SCN10A: variants seen among roughly 807,000 people sequenced by gnomAD.
SCN10A encodes sodium voltage-gated channel alpha subunit 10.
In SCN10A, 162 loss-of-function variants were observed where a neutral mutation model predicts 170.7. The ratio of observed to expected loss-of-function variants is 0.95; its 90% CI spans 0.84 to 1.08. The LOEUF is 1.08. Ranked by LOEUF, SCN10A falls within the 50% of genes least tolerant of loss-of-function variation. The pLI, the probability that SCN10A is intolerant of heterozygous loss-of-function variation, is 0.00. For missense variants in SCN10A, 2,527 were observed against 2,436.9 expected (o/e 1.04, Z -0.78); for synonymous variants, 985 against 904.6 (o/e 1.09, Z -1.59).
intron 26 of SCN10A, among the ~76,000 whole-genome samples, chr3:38,702,954 C>T (rs138953921): frequency 1.1e-4 from 16 of 152,306 alleles, no homozygotes; most frequent in South Asian, 8.3e-4. Flanking sequence ...CCATTCCCCA[C>T]GCTTTGACCT....
intron 1 of SCN10A, among the ~76,000 whole-genome samples, chr3:38,795,335 CTTTTTCTTTTTCTTTTTT>C (rs951600143): frequency 7.1e-6 from 1 of 141,520 alleles, no homozygotes; most frequent in Non-Finnish European, 1.5e-5. Flanking sequence ...TTGTTTTTTT[CTTTTTCTTTTTCTTTTTT>C]TTTTTTTGAG....
At position 38,719,452 on chromosome 3, in the gene SCN10A, A is replaced by AGTG. The variant is rs1559420570; in HGVS notation, c.3508-627_3508-626insCAC. Among the ~76,000 whole-genome samples the AGTG allele has an allele frequency of 5.0e-5, 7 of 139,324 alleles. No homozygotes were observed. The East Asian group carries it at 8.7e-4, about 17-fold the overall frequency. The allele number at this position is 139,324 out of a possible 152,430, so 91.4% of individuals were successfully genotyped here. ...TCTGTCGCCCAGGCTGGAGTGCAGT[A>AGTG]GCGGGATCTCGGCTCACTGCAAGCT... On this transcript the variant is annotated intron_variant, in intron 20 of 27. Transcript: ENST00000449082.
chr3:38,717,093 T>C (rs961449780), intron 21 of SCN10A, among the ~76,000 whole-genome samples: 2 of 151,930 alleles, frequency 1.3e-5, no homozygotes, highest in East Asian at 1.9e-4. Flanking sequence ...AATCAAAAGA[T>C]AGAAAGATAT....
chr3:38,736,976 T>TTTTTG (rs2063570531), intron 15 of SCN10A, among the ~76,000 whole-genome samples: 2 of 106,216 alleles, frequency 1.9e-5, no homozygotes, highest in African/African-American at 3.7e-5. Context: ...TTTTTTTTTT[T>TTTTTG]TTTTTTTTTT....
chr3:38,761,848 GA>G (rs1267870402), intron 6 of SCN10A, among the ~76,000 whole-genome samples: 1 of 151,388 alleles, frequency 6.6e-6, no homozygotes, highest in East Asian at 1.9e-4. Context: ...GAGAGAGAGA[GA>G]GAGAGAGAGA....
intron 19 of SCN10A, 93 bp downstream of exon 19, chr3:38,723,333 CTTGT>C (rs1169226202): frequency 1.4e-6 from 2 of 1,478,408 alleles, no homozygotes; most frequent in East Asian, 4.5e-5. Context: ...GTGGGCACAG[CTTGT>C]TTGTCTTCTG....
At position 38,697,614 on chromosome 3, in the gene SCN10A, C is replaced by A. The variant is rs765477377; in HGVS notation, c.5606G>T (p.Arg1869Leu). ...QKAYRSYVLH[R>L]SMALSNTPCV... ...TGGGGTGTTAGAGAGTGCCATGGAG[C>A]GGTGCAGCACATAGCTCCGATAGGC... The change falls in exon 28 of 28, where the codon CGC becomes CTC. Residue 1869 changes from arginine to leucine, a missense_variant. Coordinates refer to ENST00000449082, the MANE Select transcript of SCN10A (RefSeq NM_006514.4). The A allele has an allele frequency of 1.9e-6, 3 of 1,614,146 alleles. No individual in the cohort carries two copies. The highest frequency in any genetic ancestry group is 2.5e-6 in the Non-Finnish European group (3 of 1,180,024).
intron 1 of SCN10A, among the ~76,000 whole-genome samples, chr3:38,805,583 C>T (rs1257059452): frequency 6.6e-6 from 1 of 152,096 alleles, no homozygotes; most frequent in Non-Finnish European, 1.5e-5. Context: ...CTTTAGACAT[C>T]TGATGGGAGC....
chr3:38,745,093 C>T (rs975235489), intron 13 of SCN10A, among the ~76,000 whole-genome samples: 19 of 152,262 alleles, frequency 1.2e-4, no homozygotes, highest in Admixed American at 9.8e-4. Flanking sequence ...TTTAGATGTG[C>T]CATTTTGGCA....
Position 38,755,933 on chromosome 3 carries a change from G to A in SCN10A, c.1316C>T (p.Thr439Ile), listed in dbSNP as rs1360385154. The part of the protein sequence containing the change: ...QEVLAALGID[T>I]TSLHSHNGSP... Reference sequence around the variant, plus strand: ...TCCATTGTGGGAGTGGAGAGAGGTTGTGTCAATCCCTAGTGCTGCTAGCAC... The same window carrying A: ...TCCATTGTGGGAGTGGAGAGAGGTTATGTCAATCCCTAGTGCTGCTAGCAC... Residue 439 changes from threonine to isoleucine, a missense_variant, in exon 11 of 28, where the codon ACA becomes ATA. Thr to Ile is a moderately conservative substitution (Grantham distance 89). Transcript: ENST00000449082. 6.2e-7 allele frequency: 1 copy of A among 1,614,232 alleles called. No individual in the cohort carries two copies. The highest frequency in any genetic ancestry group is 1.1e-5 in the South Asian group (1 of 91,084).
At chr3:38,732,836 G>A (rs923739109) in intron 15 of SCN10A, among the ~76,000 whole-genome samples, 1 of 152,138 alleles carries the variant, frequency 6.6e-6, no homozygotes, top group African/African-American at 2.4e-5. Flanking sequence ...AGATTTAGCT[G>A]GTTTATAAGA....
At chr3:38,742,889 T>C (rs1028866255) in intron 13 of SCN10A, among the ~76,000 whole-genome samples, 2 of 152,166 alleles carry the variant, frequency 1.3e-5, no homozygotes, top group Non-Finnish European at 2.9e-5. Context: ...TTCATTGTAC[T>C]TGCCTGGCAA....
chr3:38,772,142 A>G (rs923682549), intron 4 of SCN10A, among the ~76,000 whole-genome samples: 3 of 152,074 alleles, frequency 2.0e-5, no homozygotes, highest in African/African-American at 4.8e-5. Flanking sequence ...AGAAAAGTTT[A>G]CCTACTGAAA....
intron 8 of SCN10A, among the ~76,000 whole-genome samples, 153 bp from the exon 9 acceptor site, chr3:38,757,312 A>G (rs2063819796): frequency 6.6e-6 from 1 of 152,216 alleles, no homozygotes; most frequent in Non-Finnish European, 1.5e-5. Flanking sequence ...TGGTCTGTTT[A>G]GGTATTGGTT....
At chr3:38,743,794 T>C (rs1047352232) in intron 13 of SCN10A, among the ~76,000 whole-genome samples, 4 of 152,144 alleles carry the variant, frequency 2.6e-5, no homozygotes, top group African/African-American at 9.7e-5. Context: ...CTTCTCTGTG[T>C]TTTTGAATCT....
At chr3:38,807,402 C>T (rs1447758398) in intron 1 of SCN10A, among the ~76,000 whole-genome samples, 1 of 152,186 alleles carries the variant, frequency 6.6e-6, no homozygotes, top group African/African-American at 2.4e-5. Context: ...ATATGTCTCT[C>T]CCAGTTTTCT....
intron 15 of SCN10A, among the ~76,000 whole-genome samples, chr3:38,739,008 C>T (rs1225193649): frequency 2.0e-5 from 3 of 152,178 alleles, no homozygotes; most frequent in East Asian, 3.9e-4. Context: ...GTCAGACAAC[C>T]TGGATTTGAG....
At chr3:38,733,271 C>T (rs2063528651) in intron 15 of SCN10A, among the ~76,000 whole-genome samples, 1 of 152,122 alleles carries the variant, frequency 6.6e-6, no homozygotes, top group African/African-American at 2.4e-5. Context: ...ATATTGGCCT[C>T]CTTCAGGCAT....
intron 15 of SCN10A, among the ~76,000 whole-genome samples, chr3:38,734,433 TA>T (rs1212392754): frequency 6.6e-6 from 1 of 152,186 alleles, no homozygotes; most frequent in East Asian, 1.9e-4. Context: ...TTGATATGGA[TA>T]AAAAAATCTT....
Sources: gnomAD v4.1 joint callset for allele counts (sites outside exome capture counted in the v4.1 genomes callset) on GRCh38, gnomAD v4.1.1 for gene constraint, MANE v1.5 for transcripts, NCBI Gene and HGNC (gene_info 2026-07-23, HGNC 2026-07-21) for gene names.